Variants in OPCML observed in about 807,000 individuals in gnomAD.
The protein encoded by OPCML is opioid binding protein/cell adhesion molecule like.
OPCML carries 13 observed loss-of-function variants against 37.8 expected under a neutral mutation model. The observed-to-expected ratio is 0.34, with a 90% CI of 0.22 to 0.55. OPCML has a LOEUF of 0.55. Among genes scored for constraint, OPCML ranks in the 20% least tolerant of loss-of-function variants. The probability of loss-of-function intolerance (pLI) is 0.91; values close to 1 mark genes in which losing one functional copy is unlikely to be tolerated. For synonymous variants in OPCML, 176 were observed against 168.8 expected (o/e 1.04, Z -0.33); for missense variants, 341 against 435.6 (o/e 0.78, Z 1.93).
intron 1 of OPCML, among the ~76,000 whole-genome samples, chr11:133,490,999 C>T (rs1387920079): frequency 6.6e-6 from 1 of 152,228 alleles, no homozygotes; most frequent in Admixed American, 6.5e-5. Context: ...GCTATATCCC[C>T]TGTACCTAGA....
At chr11:132,858,941 C>G (rs1942179422) in intron 2 of OPCML, among the ~76,000 whole-genome samples, 1 of 152,146 alleles carries the variant, frequency 6.6e-6, no homozygotes, top group South Asian at 2.1e-4. Flanking sequence ...ACTTGGAAAT[C>G]AGAAGAGTAT....
In OPCML at chr11:133,212,231, C is replaced by T. The variant is rs1334516074; in HGVS notation, c.62-269221G>A. Among the ~76,000 whole-genome samples the T allele has an allele frequency of 6.6e-6, 1 of 152,108 alleles. No homozygotes were observed. Among genetic ancestry groups the T allele is most frequent in the East Asian group, 1.9e-4 (1 of 5,196 alleles). On this transcript the variant is annotated intron_variant, in intron 1 of 7. Coordinates refer to ENST00000524381, the MANE Select transcript of OPCML (RefSeq NM_001012393.5). This position sits in a 1 kb window ranked among gnomAD's most constrained non-coding sequence, Gnocchi z 4.9. ...CAACAACAAAAGCAATTTTTCCTGC[C>T]CACCACCCCGATAGGTGCACAAAGT...
intron 3 of OPCML, among the ~76,000 whole-genome samples, chr11:132,592,117 C>G (rs1231490624): frequency 1.3e-5 from 2 of 152,208 alleles, no homozygotes; most frequent in Non-Finnish European, 2.9e-5. Context: ...ATACGAAGAG[C>G]AATATCAACT....
At chr11:133,260,624 T>C (rs1941460584) in intron 1 of OPCML, among the ~76,000 whole-genome samples, 1 of 152,106 alleles carries the variant, frequency 6.6e-6, no homozygotes, top group Non-Finnish European at 1.5e-5. Flanking sequence ...GGATTTGAAA[T>C]CTGGATAATC....
intron 2 of OPCML, among the ~76,000 whole-genome samples, chr11:132,880,067 T>C (rs1792155979): frequency 1.3e-5 from 2 of 152,134 alleles, no homozygotes; most frequent in South Asian, 2.1e-4. Flanking sequence ...TTTCCTTACT[T>C]CCTTTACTTC....
chr11:132,506,554 G>A (rs2096257221), intron 4 of OPCML, among the ~76,000 whole-genome samples: 1 of 152,106 alleles, frequency 6.6e-6, no homozygotes, highest in Admixed American at 6.5e-5. Flanking sequence ...TTCAAAAGGT[G>A]ATTTTGATAG....
In OPCML at chr11:133,186,969, C is replaced by T. The variant is rs1285688577; in HGVS notation, c.62-243959G>A. 2.6e-5 allele frequency among the ~76,000 whole-genome samples: 4 copies of T among 152,078 alleles called. No individual in the cohort carries two copies. In the South Asian group the frequency reaches 6.2e-4, roughly 24 times the overall value. On this transcript the variant is annotated intron_variant, in intron 1 of 7. Coordinates refer to ENST00000524381, the MANE Select transcript of OPCML (RefSeq NM_001012393.5). ...GTAGGAGGGAGGTCAAAGAGGCATTCGTCGTGGTGGTGGTGGTGGTGTGTG... is the reference window on the plus strand; with the variant it reads ...GTAGGAGGGAGGTCAAAGAGGCATTTGTCGTGGTGGTGGTGGTGGTGTGTG...
chr11:132,485,015 A>C lies in OPCML; in HGVS notation c.505+44046T>G, dbSNP rs190873581. 9.5e-3 allele frequency among the ~76,000 whole-genome samples: 1,445 copies of C among 152,236 alleles called. 2 individuals carry two copies. Among genetic ancestry groups the C allele is most frequent in the African/African-American group, 0.032 (1,342 of 41,542 alleles). The stretch of plus-strand genomic sequence containing the variant: ...GCACACCAGCATGGCACATGTATAC[A>C]TATGTAACTAACCTGCACATTGTGC... On this transcript the variant is annotated intron_variant, in intron 4 of 7. Coordinates refer to ENST00000524381, the MANE Select transcript of OPCML (RefSeq NM_001012393.5).
intron 1 of OPCML, among the ~76,000 whole-genome samples, chr11:133,253,097 G>A (rs1204417327): frequency 6.7e-6 from 1 of 149,270 alleles, no homozygotes; most frequent in East Asian, 2.0e-4. Flanking sequence ...AGTGAGCTGA[G>A]AGCATGCCAT....
chr11:133,529,860 C>T (rs1948568003), intron 1 of OPCML, among the ~76,000 whole-genome samples: 1 of 152,202 alleles, frequency 6.6e-6, no homozygotes, highest in Admixed American at 6.5e-5. Flanking sequence ...GCCATGGCAG[C>T]TCATCAGAAC....
intron 4 of OPCML, among the ~76,000 whole-genome samples, chr11:132,497,179 G>C (rs778823977): frequency 1.4e-4 from 22 of 152,044 alleles, no homozygotes; most frequent in Non-Finnish European, 2.6e-4. Context: ...TTATAAGTGG[G>C]GGCTGAATAC....
chr11:133,527,354 G>T (rs1448644174), intron 1 of OPCML, among the ~76,000 whole-genome samples: 1 of 152,176 alleles, frequency 6.6e-6, no homozygotes, highest in East Asian at 1.9e-4. Context: ...TTTATTGGGG[G>T]TCAAAAAGAA....
intron 4 of OPCML, among the ~76,000 whole-genome samples, chr11:132,488,438 T>C (rs1249814615): frequency 6.6e-6 from 1 of 152,176 alleles, no homozygotes; most frequent in African/African-American, 2.4e-5. Context: ...TATAGCCTAT[T>C]GCTCCTAGGG....
At chr11:132,799,795 T>C (rs1938540160) in intron 2 of OPCML, among the ~76,000 whole-genome samples, 1 of 152,180 alleles carries the variant, frequency 6.6e-6, no homozygotes. Context: ...TTTATGTCTG[T>C]TCTTATGCCA....
chr11:132,993,905 GAA>G (rs1946828330), intron 1 of OPCML, among the ~76,000 whole-genome samples: 1 of 151,936 alleles, frequency 6.6e-6, no homozygotes, highest in Non-Finnish European at 1.5e-5. Flanking sequence ...CAAAGGGAAG[GAA>G]AAAAAGAGGC....
intron 2 of OPCML, among the ~76,000 whole-genome samples, chr11:132,895,686 T>G (rs2136477272): frequency 6.6e-6 from 1 of 152,220 alleles, no homozygotes; most frequent in African/African-American, 2.4e-5. Context: ...CCACCCACAA[T>G]AGTATAGGGT....
At chr11:133,181,161 G>C (rs1277225070) in intron 1 of OPCML, among the ~76,000 whole-genome samples, 1 of 152,182 alleles carries the variant, frequency 6.6e-6, no homozygotes, top group African/African-American at 2.4e-5. Context: ...GGAGCAGAAG[G>C]AAGATGGGTG....
At chr11:132,760,938 A>G (rs187638273) in intron 2 of OPCML, among the ~76,000 whole-genome samples, 3,095 of 152,194 alleles carry the variant, frequency 0.02, 84 homozygotes, top group African/African-American at 0.068. Flanking sequence ...GGCTGGTACC[A>G]GTTTTTCCTT....
chr11:133,513,688 G>A (rs747069587), intron 1 of OPCML, among the ~76,000 whole-genome samples: 8 of 152,124 alleles, frequency 5.3e-5, no homozygotes, highest in East Asian at 1.9e-4. Context: ...TAGACATCTC[G>A]CCATCCTGAG....
Sources: allele counts gnomAD v4.1 joint callset (sites outside exome capture counted in the v4.1 genomes callset), GRCh38; gene constraint gnomAD v4.1.1; non-coding constraint Gnocchi (gnomAD v3.1); transcripts MANE v1.5; gene names NCBI Gene and HGNC (gene_info 2026-07-23, HGNC 2026-07-21).